KCNH1: variants seen among roughly 807,000 people sequenced by gnomAD.
KCNH1 encodes voltage-gated delayed rectifier potassium channel KCNH1.
KCNH1 carries 27 observed loss-of-function variants against 69.2 expected under a neutral mutation model. The ratio of observed to expected loss-of-function variants is 0.39; its 90% CI spans 0.29 to 0.54. The LOEUF is 0.54. Ranked by LOEUF, KCNH1 falls within the 20% of genes least tolerant of loss-of-function variation. The pLI is 0.68. For missense variants in KCNH1, 798 were observed against 1,261.6 expected, an observed-to-expected ratio of 0.63 and a Z score of 5.57; for synonymous variants, 456 against 487.7, an observed-to-expected ratio of 0.93 and a Z score of 0.86.
intron 10 of KCNH1, among the ~76,000 whole-genome samples, chr1:210,722,333 T>G (rs1011886781): frequency 3.3e-5 from 5 of 152,102 alleles, no homozygotes; most frequent in Non-Finnish European, 7.4e-5. Flanking sequence ...AGTGCTTATA[T>G]TTTACTCTTA....
chr1:211,062,149 G>A (rs115257898), intron 5 of KCNH1, among the ~76,000 whole-genome samples: 2,534 of 151,952 alleles, frequency 0.017, 68 homozygotes, highest in African/African-American at 0.057. Context: ...TGGAGAGCCC[G>A]GAAATAAATC....
intron 6 of KCNH1, among the ~76,000 whole-genome samples, chr1:211,001,958 A>T (rs1454971378): frequency 6.6e-6 from 1 of 151,576 alleles, no homozygotes; most frequent in Non-Finnish European, 1.5e-5. Context: ...TGGGAATTGA[A>T]CAATGAGAAC....
intron 6 of KCNH1, among the ~76,000 whole-genome samples, chr1:210,928,263 C>T (rs1687614002): frequency 6.6e-6 from 1 of 152,032 alleles, no homozygotes; most frequent in Admixed American, 6.6e-5. Context: ...ACACATTCAG[C>T]ACACGGAACA....
rs578067738 is a variant in KCNH1 at position 210,845,218 on chromosome 1, A to G, written c.1463-41052T>C. 1.2e-3 allele frequency among the ~76,000 whole-genome samples: 177 copies of G among 152,300 alleles called. 1 individual carries two copies. Among genetic ancestry groups the G allele is most frequent in the African/African-American group, 3.9e-3 (162 of 41,560 alleles). ...ATAGAAAAAGAGGGAATCCTCCCCA[A>G]CTCATTTTATGAGGCCAGCATCATC... On this transcript the variant is annotated intron_variant, in intron 7 of 10. Coordinates refer to ENST00000271751, the MANE Select transcript of KCNH1 (RefSeq NM_172362.3).
At chr1:211,037,133 A>G (rs955428809) in intron 5 of KCNH1, among the ~76,000 whole-genome samples, 1 of 152,194 alleles carries the variant, frequency 6.6e-6, no homozygotes, top group African/African-American at 2.4e-5. Flanking sequence ...GTATTTTTAA[A>G]TCCTTATAAC....
Position 210,976,898 on chromosome 1 carries a change from C to T in KCNH1, c.1032+41885G>A, listed in dbSNP as rs1156409004. On this transcript the variant is annotated intron_variant, in intron 6 of 10. Transcript: ENST00000271751. Reference sequence around the variant, plus strand: ...TCAACCATTGTGGAAGTCAGTGTGGCGAGTCCTCAGGGATCTAGAACTAGA... The same window carrying T: ...TCAACCATTGTGGAAGTCAGTGTGGTGAGTCCTCAGGGATCTAGAACTAGA... Among the ~76,000 whole-genome samples the T allele has an allele frequency of 8.2e-5, 12 of 145,960 alleles. No homozygotes were observed. In the East Asian group the frequency reaches 1.4e-3, roughly 18 times the overall value.
chr1:211,031,235 A>G (rs1317561749), intron 5 of KCNH1, among the ~76,000 whole-genome samples: 1 of 152,242 alleles, frequency 6.6e-6, no homozygotes, highest in Non-Finnish European at 1.5e-5. Flanking sequence ...AGACTCTGAA[A>G]TTGAGGCAAT....
At chr1:210,957,314 G>C (rs1467193760) in intron 6 of KCNH1, among the ~76,000 whole-genome samples, 2 of 152,154 alleles carry the variant, frequency 1.3e-5, no homozygotes, top group Non-Finnish European at 2.9e-5. Context: ...TACATTTGCT[G>C]AGGAGTCCTT....
intron 6 of KCNH1, among the ~76,000 whole-genome samples, chr1:210,949,745 C>A (rs1413592043): frequency 1.3e-5 from 2 of 152,158 alleles, no homozygotes; most frequent in African/African-American, 4.8e-5. Context: ...GCTATATCGC[C>A]CATTATAATT....
chr1:210,826,225 C>T (rs1382951277), intron 7 of KCNH1, among the ~76,000 whole-genome samples: 1 of 152,078 alleles, frequency 6.6e-6, no homozygotes, highest in Non-Finnish European at 1.5e-5. Flanking sequence ...AGGCCACATG[C>T]TACTATTCTC....
chr1:210,858,741 C>A (rs1160543620), intron 7 of KCNH1: 1 of 157,920 alleles, frequency 6.3e-6, no homozygotes, highest in Non-Finnish European at 1.4e-5. Context: ...CAAATTCTCA[C>A]AGGTTTAAAA....
intron 6 of KCNH1, among the ~76,000 whole-genome samples, chr1:210,973,001 C>A (rs1415871776): frequency 2.0e-5 from 3 of 151,716 alleles, no homozygotes; most frequent in African/African-American, 7.3e-5. Context: ...CATGAGGCAT[C>A]CATCATTCTA....
chr1:210,835,190 C>T lies in KCNH1; in HGVS notation c.1463-31024G>A, dbSNP rs905269131. On this transcript the variant is annotated intron_variant, in intron 7 of 10. Transcript: ENST00000271751. Reference sequence around the variant, plus strand: ...ATAAAAATAAATGGCTACATGCTCACAGGTAGGCACAAACAAGGTAAGGTC... The same window carrying T: ...ATAAAAATAAATGGCTACATGCTCATAGGTAGGCACAAACAAGGTAAGGTC... 1.6e-4 allele frequency among the ~76,000 whole-genome samples: 25 copies of T among 152,282 alleles called. No individual in the cohort carries two copies. In the South Asian group the frequency reaches 2.9e-3, roughly 18 times the overall value.
intron 7 of KCNH1, among the ~76,000 whole-genome samples, chr1:210,823,771 C>A (rs951573010): frequency 6.6e-6 from 1 of 152,146 alleles, no homozygotes; most frequent in Admixed American, 6.6e-5. Context: ...AATCACACAG[C>A]AACCAAGTGG....
At chr1:210,834,187 A>G (rs1685230006) in intron 7 of KCNH1, among the ~76,000 whole-genome samples, 1 of 151,760 alleles carries the variant, frequency 6.6e-6, no homozygotes, top group Non-Finnish European at 1.5e-5. Context: ...ATTACTGGGT[A>G]TATACCCAAA....
At chr1:210,974,800 G>C (rs1313417767) in intron 6 of KCNH1, among the ~76,000 whole-genome samples, 1 of 151,896 alleles carries the variant, frequency 6.6e-6, no homozygotes, top group Non-Finnish European at 1.5e-5. Context: ...CTGACCTCGT[G>C]ATCCACCCAC....
At chr1:210,789,194 T>G (rs368065412) in intron 9 of KCNH1, among the ~76,000 whole-genome samples, 1 of 152,200 alleles carries the variant, frequency 6.6e-6, no homozygotes. Flanking sequence ...CCTGGAGCAA[T>G]GAGGAGCAAT....
At chr1:211,130,303 C>A (rs752565072) in intron 1 of KCNH1, among the ~76,000 whole-genome samples, 1 of 152,196 alleles carries the variant, frequency 6.6e-6, no homozygotes, top group Non-Finnish European at 1.5e-5. Context: ...TCAAATCTTT[C>A]CTTAAATGGG....
intron 10 of KCNH1, among the ~76,000 whole-genome samples, chr1:210,716,203 G>A (rs1042862887): frequency 2.6e-5 from 4 of 152,074 alleles, no homozygotes; most frequent in African/African-American, 4.8e-5. Context: ...GGAGGCTGAG[G>A]CGGGTGGATC....
Sources: gnomAD v4.1 joint callset for allele counts (sites outside exome capture counted in the v4.1 genomes callset) on GRCh38, gnomAD v4.1.1 for gene constraint, MANE v1.5 for transcripts, NCBI Gene and HGNC (gene_info 2026-07-23, HGNC 2026-07-21) for gene names.